Variants in TRHDE observed in about 807,000 individuals in gnomAD.
The protein encoded by TRHDE is thyrotropin-releasing hormone-degrading ectoenzyme.
Under a neutral mutation model 125.7 loss-of-function variants are expected in TRHDE, and 72 were observed. The observed-to-expected ratio is 0.57, with a 90% CI of 0.47 to 0.70. TRHDE has a LOEUF of 0.70. Among genes scored for constraint, TRHDE ranks in the 30% least tolerant of loss-of-function variants. The pLI is 0.00. For synonymous variants in TRHDE, 509 were observed against 509.1 expected (o/e 1.00, Z 0.00); for missense variants, 1,110 against 1,327.1 (o/e 0.84, Z 2.54).
At chr12:72,116,767 T>C (rs1343336955) in intron 2 of TRHDE, among the ~76,000 whole-genome samples, 1 of 151,912 alleles carries the variant, frequency 6.6e-6, no homozygotes, top group Admixed American at 6.6e-5. Flanking sequence ...CAACATTTTT[T>C]CCCATTCTCT....
chr12:72,206,297 T>C (rs1421804910), intron 2 of TRHDE, among the ~76,000 whole-genome samples: 1 of 152,162 alleles, frequency 6.6e-6, no homozygotes, highest in East Asian at 1.9e-4. Flanking sequence ...TTCACCATGT[T>C]GGCCAGACTG....
At chr12:72,368,006 T>C (rs190355764) in intron 2 of TRHDE, among the ~76,000 whole-genome samples, 268 of 152,342 alleles carry the variant, frequency 1.8e-3, no homozygotes, top group Non-Finnish European at 2.1e-3. Context: ...GGTGCACTAC[T>C]GTTGTAAATG....
intron 2 of TRHDE, among the ~76,000 whole-genome samples, chr12:72,365,264 G>A (rs1380083578): frequency 6.6e-6 from 1 of 152,026 alleles, no homozygotes; most frequent in Admixed American, 6.6e-5. Context: ...TTTGAGGTTT[G>A]CTTGTTGTGG....
chr12:72,089,614 A>G (rs978447098), intron 1 of TRHDE, among the ~76,000 whole-genome samples: 1 of 152,118 alleles, frequency 6.6e-6, no homozygotes, highest in African/African-American at 2.4e-5. Flanking sequence ...TTCAAATCAT[A>G]CCTTCTTAAT....
At position 72,663,497 on chromosome 12, in the gene TRHDE, T is replaced by G. The variant is rs1314389187; in HGVS notation, c.*302T>G. On this transcript the variant is annotated 3_prime_UTR_variant, in exon 19 of 19. Coordinates refer to ENST00000261180, the MANE Select transcript of TRHDE (RefSeq NM_013381.3). ...CAGGACCAAATATGATAGTGATGCA[T>G]GTTGATGTTACAGTCAATTTGGAAA... The G allele has an allele frequency of 2.5e-5, 5 of 201,096 alleles. No individual in the cohort carries two copies. Among genetic ancestry groups the G allele is most frequent in the Non-Finnish European group, 5.0e-5 (5 of 100,214 alleles). 12.5% of individuals were successfully genotyped at this position (201,096 alleles called of 1,614,324 possible). A position where few individuals can be genotyped will look rare whatever the true frequency, so the allele number is the denominator to read the frequency against.
At chr12:72,214,643 C>T (rs1260549679) in intron 2 of TRHDE, among the ~76,000 whole-genome samples, 1 of 151,818 alleles carries the variant, frequency 6.6e-6, no homozygotes, top group Non-Finnish European at 1.5e-5. Flanking sequence ...CCCATGACAA[C>T]AATATTAAAC....
intron 10 of TRHDE, among the ~76,000 whole-genome samples, chr12:72,571,758 C>G (rs1305423197): frequency 6.6e-6 from 1 of 151,986 alleles, no homozygotes; most frequent in Non-Finnish European, 1.5e-5. Flanking sequence ...AAAATTAAAG[C>G]AAACATGAAA....
In TRHDE at chr12:72,096,663, T is replaced by G. The variant is rs574114827; in HGVS notation, n.175-8985T>G. Among the ~76,000 whole-genome samples the G allele has an allele frequency of 8.5e-4, 130 of 152,346 alleles. 1 individual carries two copies. The highest frequency in any genetic ancestry group is 3.1e-3 in the African/African-American group (129 of 41,594). ...CTCCCAGGTCCTTTGCATCCTCCTT[T>G]TTTGTACTAGTTAGAGCACTTTCAC... On this transcript the variant is annotated intron_variant and non_coding_transcript_variant, in intron 1 of 4. Transcript: ENST00000548156.
intron 2 of TRHDE, among the ~76,000 whole-genome samples, chr12:72,247,802 C>T (rs1878601557): frequency 6.6e-6 from 1 of 152,170 alleles, no homozygotes; most frequent in African/African-American, 2.4e-5. Flanking sequence ...GAATTACTGA[C>T]ATCAGAATGG....
intron 6 of TRHDE, 52 bp from the exon 7 acceptor site, chr12:72,542,239 C>T (rs1291232824): frequency 2.1e-6 from 3 of 1,397,234 alleles, no homozygotes; most frequent in East Asian, 4.7e-5. Context: ...AACAACTTTA[C>T]AATCATGATA....
chr12:72,520,718 A>C (rs2135962194), intron 6 of TRHDE, among the ~76,000 whole-genome samples: 1 of 152,120 alleles, frequency 6.6e-6, no homozygotes, highest in South Asian at 2.1e-4. Flanking sequence ...GCATCAGAAA[A>C]TTTTTGCCTG....
At chr12:72,135,368 T>C (rs190751329) in intron 2 of TRHDE, among the ~76,000 whole-genome samples, 16 of 152,328 alleles carry the variant, frequency 1.1e-4, no homozygotes, top group Admixed American at 1.0e-3. Flanking sequence ...TGATATCACC[T>C]TTATTGACCT....
At chr12:72,453,395 G>C (rs898699828) in intron 3 of TRHDE, among the ~76,000 whole-genome samples, 5 of 152,188 alleles carry the variant, frequency 3.3e-5, no homozygotes, top group African/African-American at 4.8e-5. Context: ...TTCAAGATGT[G>C]ACATGGCTGC....
intron 2 of TRHDE, among the ~76,000 whole-genome samples, chr12:72,317,729 A>G (rs1868873215): frequency 6.6e-6 from 1 of 152,224 alleles, no homozygotes; most frequent in Non-Finnish European, 1.5e-5. Flanking sequence ...TGAAAGAGGG[A>G]CACCAATCTC....
chr12:72,473,180 G>C lies in TRHDE; in HGVS notation c.1584G>C (p.Met528Ile). 2 of 1,610,388 alleles carry C rather than the reference G, an allele frequency of 1.2e-6. No individual in the cohort carries two copies. The highest frequency in any genetic ancestry group is 1.7e-6 in the Non-Finnish European group (2 of 1,176,802). ...ACTACCTCTATCCTGGCTGGAACAT[G>C]GTAAGTGCACTTGAATTATTTGAAA... ...GTDYLYPGWN[M>I]EKQRFLTDVL... is the part of the protein sequence containing the mutation. The change falls in exon 5 of 19, where the codon ATG becomes ATC. Residue 528 changes from methionine (M) to isoleucine (I), a missense_variant and splice_region_variant. Physicochemically the swap from Met to Ile is conservative, Grantham distance 10. This residue lies in a region of TRHDE where 527 missense variants were observed against 651.8 expected (regional missense o/e 0.81). Coordinates refer to ENST00000261180, the MANE Select transcript of TRHDE (RefSeq NM_013381.3).
chr12:72,482,280 C>A (rs746393412), intron 5 of TRHDE, among the ~76,000 whole-genome samples: 2 of 151,444 alleles, frequency 1.3e-5, no homozygotes, highest in Admixed American at 6.6e-5. Context: ...CTTAGCTGAC[C>A]GATATACTTC....
chr12:72,564,233 G>A (rs765638828), intron 9 of TRHDE, among the ~76,000 whole-genome samples: 6 of 152,040 alleles, frequency 3.9e-5, no homozygotes, highest in Non-Finnish European at 8.8e-5. Context: ...CACCTTTAGG[G>A]GCTGACTCTG....
intron 3 of TRHDE, among the ~76,000 whole-genome samples, chr12:72,467,990 A>G (rs1274497799): frequency 6.6e-6 from 1 of 152,246 alleles, no homozygotes; most frequent in South Asian, 2.1e-4. Flanking sequence ...ATCAGTACCC[A>G]TACCACTAAC....
intron 5 of TRHDE, among the ~76,000 whole-genome samples, chr12:72,481,935 TTTC>T (rs746422290): frequency 1.3e-5 from 2 of 152,038 alleles, no homozygotes; most frequent in African/African-American, 2.4e-5. Context: ...CATTTTAGTT[TTTC>T]TTCTTCAGAT....
Sources: allele counts gnomAD v4.1 joint callset (sites outside exome capture counted in the v4.1 genomes callset), GRCh38; gene constraint gnomAD v4.1.1; regional missense constraint gnomAD v4.1.1; transcripts MANE v1.5; gene names NCBI Gene and HGNC (gene_info 2026-07-23, HGNC 2026-07-21).